HTR2A: variants seen among roughly 807,000 people sequenced by gnomAD.
HTR2A encodes 5-hydroxytryptamine receptor 2A, also known as 5-HT2 receptor.
In HTR2A, 14 loss-of-function variants were observed where a neutral mutation model predicts 31.0. That is an observed-to-expected ratio of 0.45 (90% CI 0.30 to 0.71). The LOEUF (loss-of-function observed/expected upper bound fraction) is 0.71. Among genes scored for constraint, HTR2A ranks in the 30% least tolerant of loss-of-function variants. The probability of loss-of-function intolerance (pLI) is 0.09; values close to 1 mark genes in which losing one functional copy is unlikely to be tolerated. For synonymous variants in HTR2A, 209 were observed against 225.2 expected (o/e 0.93, Z 0.64); for missense variants, 442 against 573.3 (o/e 0.77, Z 2.34).
rs1205977003 is a variant in HTR2A at position 46,896,749 on chromosome 13, G to A, written c.-404C>T. The A allele has an allele frequency of 1.3e-6, 2 of 1,534,852 alleles. No homozygotes were observed. The highest frequency in any genetic ancestry group is 2.0e-5 in the Admixed American group (1 of 50,952). On this transcript the variant is annotated 5_prime_UTR_variant, in exon 1 of 4. It introduces an in-frame stop codon into an upstream open reading frame of the 5' UTR. Coordinates refer to ENST00000542664, the MANE Select transcript of HTR2A (RefSeq NM_000621.5). The stretch of plus-strand genomic sequence containing the variant: ...CTGCATCTCTCACAGTAATTAAACT[G>A]GTGTAGAGTCCCCTCTTCTTGATCT...
chr13:46,881,046 T>C (rs1240943560), intron 3 of HTR2A, among the ~76,000 whole-genome samples: 1 of 151,986 alleles, frequency 6.6e-6, no homozygotes, highest in Non-Finnish European at 1.5e-5. Context: ...GCTGCCTGGG[T>C]CATTAAATGA....
chr13:46,860,706 C>A (rs1445779584), intron 3 of HTR2A, among the ~76,000 whole-genome samples: 1 of 152,140 alleles, frequency 6.6e-6, no homozygotes, highest in South Asian at 2.1e-4. Flanking sequence ...ATTGCAGTTA[C>A]CCCCGATTTA....
intron 3 of HTR2A, among the ~76,000 whole-genome samples, chr13:46,841,643 C>T (rs1219546994): frequency 1.3e-5 from 2 of 152,084 alleles, no homozygotes; most frequent in African/African-American, 4.8e-5. Context: ...AAGCTGGTGG[C>T]CTAATTGCCC....
In HTR2A at chr13:46,895,444, C is replaced by T. The variant is rs535249108; in HGVS notation, c.412+51G>A. On this transcript the variant is annotated intron_variant, in intron 2 of 3. Coordinates refer to ENST00000542664, the MANE Select transcript of HTR2A (RefSeq NM_000621.5). The surrounding 1 kb of genome is among the most constrained non-coding windows in gnomAD (Gnocchi z 4.4). ...CCATCTCATCTGCTGGTGGCATGCA[C>T]ATGCTCTTTATTACCAGTGCGAATA... is the stretch of plus-strand genomic sequence containing the variant. 3.9e-6 allele frequency: 6 copies of T among 1,558,332 alleles called. No homozygotes were observed. The East Asian group carries it at 1.4e-4, about 35-fold the overall frequency.
At chr13:46,847,031 A>G (rs1950648234) in intron 3 of HTR2A, among the ~76,000 whole-genome samples, 1 of 152,228 alleles carries the variant, frequency 6.6e-6, no homozygotes, top group South Asian at 2.1e-4. Flanking sequence ...CAGTTTTGCC[A>G]GCATGCTGCT....
At chr13:46,860,594 G>C (rs1950771977) in intron 3 of HTR2A, among the ~76,000 whole-genome samples, 1 of 152,178 alleles carries the variant, frequency 6.6e-6, no homozygotes, top group Admixed American at 6.5e-5. Flanking sequence ...TAAGTGGAGA[G>C]ATCCTGGGTG....
chr13:46,845,643 CAAAA>C (rs11394720), intron 3 of HTR2A, among the ~76,000 whole-genome samples: 1 of 112,978 alleles, frequency 8.9e-6, no homozygotes, highest in African/African-American at 3.2e-5. Context: ...TTCATCACTC[CAAAA>C]AAAAAAAAAA....
intron 3 of HTR2A, among the ~76,000 whole-genome samples, chr13:46,860,974 A>G (rs758303165): frequency 1.3e-5 from 2 of 152,238 alleles, no homozygotes; most frequent in Non-Finnish European, 2.9e-5. Flanking sequence ...TGAAATGCAA[A>G]TTCAGATATA....
intron 3 of HTR2A, among the ~76,000 whole-genome samples, chr13:46,840,989 G>A (rs1032105378): frequency 6.6e-6 from 1 of 152,042 alleles, no homozygotes; most frequent in Non-Finnish European, 1.5e-5. Context: ...ATCATGGGGA[G>A]GTTTCTCCCA....
intron 3 of HTR2A, among the ~76,000 whole-genome samples, chr13:46,850,018 C>A (rs1239564606): frequency 6.6e-6 from 1 of 152,222 alleles, no homozygotes; most frequent in African/African-American, 2.4e-5. Flanking sequence ...ACCTAGTAGA[C>A]TTCCTTATTA....
chr13:46,863,582 C>A (rs1446713102), intron 3 of HTR2A, among the ~76,000 whole-genome samples: 1 of 136,596 alleles, frequency 7.3e-6, no homozygotes, highest in East Asian at 2.3e-4. Flanking sequence ...ATGAAGTAAG[C>A]TGCCACTGCA....
intron 3 of HTR2A, among the ~76,000 whole-genome samples, chr13:46,859,182 A>G (rs1360555133): frequency 6.6e-6 from 1 of 152,114 alleles, no homozygotes; most frequent in East Asian, 1.9e-4. Context: ...GATATCTAAA[A>G]TCTTGTGTTG....
chr13:46,897,845 AT>A (rs1349379978), upstream of HTR2A, among the ~76,000 whole-genome samples: 1 of 152,000 alleles, frequency 6.6e-6, no homozygotes, highest in African/African-American at 2.4e-5. Context: ...CCAGACCTAA[AT>A]CTCTAGCTGC....
chr13:46,867,236 A>G lies in HTR2A; in HGVS notation c.613+25154T>C, dbSNP rs188979413. ...ATAAGACAGAGAAACCTGAAAATAA[A>G]AACTGGTTGATGACCCTCACCTAGA... On this transcript the variant is annotated intron_variant, in intron 3 of 3. Transcript: ENST00000542664. Among the ~76,000 whole-genome samples the G allele has an allele frequency of 8.5e-5, 13 of 152,254 alleles. 1 individual carries two copies. The highest frequency in any genetic ancestry group is 7.2e-4 in the Admixed American group (11 of 15,296).
chr13:46,873,200 A>C (rs1017427638), intron 3 of HTR2A, among the ~76,000 whole-genome samples: 1 of 151,694 alleles, frequency 6.6e-6, no homozygotes, highest in Non-Finnish European at 1.5e-5. Context: ...GCTAAGAAGA[A>C]CTGTAAAATA....
intron 3 of HTR2A, among the ~76,000 whole-genome samples, chr13:46,889,882 G>A (rs1396851337): frequency 6.6e-6 from 1 of 152,146 alleles, no homozygotes; most frequent in Admixed American, 6.5e-5. Context: ...TTTTCCGCTT[G>A]CCCCCTCCTC....
intron 3 of HTR2A, among the ~76,000 whole-genome samples, chr13:46,881,730 A>G (rs1950965405): frequency 6.6e-6 from 1 of 152,164 alleles, no homozygotes. Context: ...AGCCGTATAA[A>G]GGAGTTGGGC....
At chr13:46,872,516 A>T (rs1186055958) in intron 3 of HTR2A, among the ~76,000 whole-genome samples, 1 of 152,160 alleles carries the variant, frequency 6.6e-6, no homozygotes, top group Non-Finnish European at 1.5e-5. Flanking sequence ...CTATTTTATT[A>T]TATAGATTTG....
chr13:46,860,013 A>G (rs1950768003), intron 3 of HTR2A, among the ~76,000 whole-genome samples: 1 of 152,166 alleles, frequency 6.6e-6, no homozygotes, highest in South Asian at 2.1e-4. Flanking sequence ...TAAAATTCAA[A>G]GTCCTTCTGT....
Sources: gnomAD v4.1 joint callset for allele counts (sites outside exome capture counted in the v4.1 genomes callset) on GRCh38, gnomAD v4.1.1 for gene constraint, Gnocchi (gnomAD v3.1) non-coding constraint, MANE v1.5 for transcripts, NCBI Gene and HGNC (gene_info 2026-07-23, HGNC 2026-07-21) for gene names.